The following VWA7 variants were observed in gnomAD, a reference collection of about 807,000 sequenced individuals.
VWA7 encodes von Willebrand factor A domain-containing protein 7.
A neutral mutation model predicts 83.1 loss-of-function variants in VWA7; 66 were observed. The ratio of observed to expected loss-of-function variants is 0.79; its 90% CI spans 0.65 to 0.98. The LOEUF is 0.98. Ranked by LOEUF, VWA7 falls within the 50% of genes least tolerant of loss-of-function variation. VWA7 has a pLI of 0.00. For missense variants in VWA7, 1,080 were observed against 1,160.2 expected, an observed-to-expected ratio of 0.93 and a Z score of 1.00; for synonymous variants, 424 against 488.5, an observed-to-expected ratio of 0.87 and a Z score of 1.74.
intron 7 of VWA7, among the ~76,000 whole-genome samples, chr6:31,770,634 G>A (rs1420152278): frequency 6.6e-6 from 1 of 151,226 alleles, no homozygotes; most frequent in Non-Finnish European, 1.5e-5. Flanking sequence ...GCAGGGCAGG[G>A]CAGACCTAGG....
intron 5 of VWA7, 148 bp downstream of exon 5, chr6:31,774,368 A>T: frequency 1.4e-6 from 1 of 696,424 alleles, no homozygotes; most frequent in Middle Eastern, 3.4e-4. Context: ...CAGCCTCCTC[A>T]GGGGACTTTC....
intron 4 of VWA7, among the ~76,000 whole-genome samples, 161 bp from the exon 5 acceptor site, chr6:31,774,787 C>A (rs950565799): frequency 6.6e-6 from 1 of 152,006 alleles, no homozygotes; most frequent in Non-Finnish European, 1.5e-5. Flanking sequence ...ATCATGGGCC[C>A]GCAGTGAGCC....
rs768719530 is a variant in VWA7, at chr6:31,774,531, GA to G, written c.705del (p.Pro237ArgfsTer50). On this transcript the variant is annotated frameshift_variant, in exon 5 of 17. Coordinates refer to ENST00000375688, the MANE Select transcript of VWA7 (RefSeq NM_025258.3). LOFTEE classifies it high-confidence loss of function. ...TGTCTGGTACCTGGAGGTTTCGGGGGATGAGTTCCAAAGTAGCCAGAGGTGA... is the reference window on the plus strand; with the variant it reads ...TGTCTGGTACCTGGAGGTTTCGGGGGTGAGTTCCAAAGTAGCCAGAGGTGA... ...TLLTSGYFGT[H>X]PPKPPGKCSH... 6.2e-6 allele frequency: 10 copies of G among 1,612,780 alleles called. No individual in the cohort carries two copies. In the South Asian group the frequency reaches 1.1e-4, roughly 18 times the overall value.
chr6:31,767,394 G>A lies in VWA7; in HGVS notation c.1757C>T (p.Thr586Ile). ...TCTCACCCCAGGGGTGTCCTCAGCT[G>A]TGACCTGGATCTCCCAGGTTCCTGT... ...PQTGTWEIQVTAEDTPGVRVQ... is the reference protein window; with the variant it reads ...PQTGTWEIQVIAEDTPGVRVQ... The change falls in exon 12 of 17, where the codon ACA (threonine) becomes ATA (isoleucine). Residue 586 changes from threonine to isoleucine, a missense_variant. Transcript: ENST00000375688. The A allele has an allele frequency of 6.2e-7, 1 of 1,613,182 alleles. No individual in the cohort carries two copies. Among genetic ancestry groups the A allele is most frequent in the South Asian group, 1.1e-5 (1 of 91,086 alleles).
At chr6:31,770,369 G>A (rs1164697693) in intron 7 of VWA7, among the ~76,000 whole-genome samples, 6 of 151,392 alleles carry the variant, frequency 4.0e-5, no homozygotes, top group Admixed American at 2.0e-4. Context: ...GTGAAACCTC[G>A]TCTCTACTAA....
In VWA7 at chr6:31,776,243, C is replaced by T; in HGVS notation, c.235-1G>A. Reference sequence around the variant, plus strand: ...GGTCATCAGCAAGGAGTGTTCGACCCTGGGGAGAATAGCGGGCGACGGGGC... The same window carrying T: ...GGTCATCAGCAAGGAGTGTTCGACCTTGGGGAGAATAGCGGGCGACGGGGC... On this transcript the variant is annotated splice_acceptor_variant, in intron 2 of 16. Coordinates refer to ENST00000375688, the MANE Select transcript of VWA7 (RefSeq NM_025258.3). LOFTEE classifies it high-confidence loss of function. The surrounding 1 kb of genome is among the most constrained non-coding windows in gnomAD (Gnocchi z 6.2). The T allele has an allele frequency of 6.2e-7, 1 of 1,610,540 alleles. No individual in the cohort carries two copies. The highest frequency in any genetic ancestry group is 1.1e-5 in the South Asian group (1 of 91,032).
chr6:31,774,728 G>A, intron 4 of VWA7, 102 bp from the exon 5 acceptor site: 1 of 940,394 alleles, frequency 1.1e-6, no homozygotes, highest in Non-Finnish European at 1.6e-6. Flanking sequence ...CTGGGATGAG[G>A]CGAACACCCA....
Position 31,770,109 on chromosome 6 carries a change from G to A in VWA7, c.1092C>T (p.Phe364=), listed in dbSNP as rs781534327. ...GGTCACTGGTTGTAAAGACAGGGCC[G>A]AACCCTGGGAAGGGGAAAGGAGGTT... ...YVLVPFHDPG[F]GPVFTTSDPD... Residue 364 remains phenylalanine, a synonymous_variant, in exon 8 of 17, where the codon TTC becomes TTT. Transcript: ENST00000375688. 36 of 1,612,498 alleles carry A rather than the reference G, an allele frequency of 2.2e-5. 1 individual carries two copies. In the South Asian group the frequency reaches 3.3e-4, roughly 15 times the overall value.
Position 31,769,161 on chromosome 6 carries a change from G to A in VWA7, c.1360C>T (p.Arg454Ter), listed in dbSNP as rs369133546. ...GGGGACAAGATCTCACGCCGAGCTC[G>A]ACCCTGAACCCTTGATGTATCTTCA... is the stretch of plus-strand genomic sequence containing the variant. ...VTEDTSRVQG[R>*]ARREILSPLR... Residue 454 changes from arginine to a stop codon, truncating the protein, a stop_gained, in exon 10 of 17, where the codon CGA becomes TGA. Coordinates refer to ENST00000375688, the MANE Select transcript of VWA7 (RefSeq NM_025258.3). LOFTEE classifies it high-confidence loss of function. The surrounding 1 kb of genome is among the most constrained non-coding windows in gnomAD (Gnocchi z 4.5). The A allele has an allele frequency of 6.4e-5, 103 of 1,612,944 alleles. No homozygotes were observed. The highest frequency in any genetic ancestry group is 3.0e-4 in the Admixed American group (18 of 60,006).
In VWA7 at chr6:31,767,683, G is replaced by A. The variant is rs766892603; in HGVS notation, c.1575C>T (p.Leu525=). 6.2e-7 allele frequency: 1 copy of A among 1,613,710 alleles called. No individual in the cohort carries two copies. Among genetic ancestry groups the A allele is most frequent in the South Asian group, 1.1e-5 (1 of 91,074 alleles). ...CGTGGATCCGGACTGTGATCTTCTG[G>A]AGCAGCCCATCCACGCTGAACACAA... is the stretch of plus-strand genomic sequence containing the variant. The part of the protein sequence containing the change: ...QPLVFSVDGL[L]QKITVRIHGD... Residue 525 remains leucine, a synonymous_variant, in exon 11 of 17, where the codon CTC becomes CTT. Coordinates refer to ENST00000375688, the MANE Select transcript of VWA7 (RefSeq NM_025258.3).
chr6:31,770,036 C>T lies in VWA7; in HGVS notation c.1165G>A (p.Gly389Arg), dbSNP rs1812022407. 4 of 1,612,916 alleles carry T rather than the reference C, an allele frequency of 2.5e-6. No homozygotes were observed. The highest frequency in any genetic ancestry group is 3.4e-6 in the Non-Finnish European group (4 of 1,179,992). ...GACAGGCACATCTCAGGCTCGTCTC[C>T]ACCCCCCAAGGCATGGATCTCATTA... is the stretch of plus-strand genomic sequence containing the variant. Reference protein sequence around the residue: ...QLNEIHALGGGDEPEMCLSAL... With the variant: ...QLNEIHALGGRDEPEMCLSAL... Residue 389 changes from glycine (G) to arginine (R), a missense_variant, in exon 8 of 17, where the codon GGA becomes AGA. Gly to Arg is a moderately radical substitution (Grantham distance 125). Transcript: ENST00000375688.
rs752627154 is a variant in VWA7, at chr6:31,766,519, G to A, written c.2128C>T (p.Arg710Trp). The A allele has an allele frequency of 6.2e-7, 1 of 1,608,386 alleles. No individual in the cohort carries two copies. Among genetic ancestry groups the A allele is most frequent in the South Asian group, 1.1e-5 (1 of 90,780 alleles). The change falls in exon 14 of 17, where the codon CGG (arginine) becomes TGG (tryptophan). Residue 710 changes from arginine to tryptophan, a missense_variant. Transcript: ENST00000375688. The surrounding 1 kb of genome is among the most constrained non-coding windows in gnomAD (Gnocchi z 4.9). ...TGAGGGGCAGCCCTGTGCAGGCGCC[G>A]CCCCGCTGCGTCCTGGCCAATCAGC... is the stretch of plus-strand genomic sequence containing the variant. ...LELIGQDAAGRRLHRAAPQPS... is the reference protein window; with the variant it reads ...LELIGQDAAGWRLHRAAPQPS...
chr6:31,773,233 G>A lies in VWA7; in HGVS notation c.917+9C>T, dbSNP rs2151403834. 6.3e-7 allele frequency: 1 copy of A among 1,597,236 alleles called. No individual in the cohort carries two copies. Among genetic ancestry groups the A allele is most frequent in the Non-Finnish European group, 8.5e-7 (1 of 1,172,516 alleles). On this transcript the variant is annotated intron_variant, in intron 6 of 16. Coordinates refer to ENST00000375688, the MANE Select transcript of VWA7 (RefSeq NM_025258.3). This position sits in a 1 kb window ranked among gnomAD's most constrained non-coding sequence, Gnocchi z 5.3. Reference sequence around the variant, plus strand: ...CCATGAAGGGGTCCATCCCCAGGAGGCCACTCACCTGGAGAAATCCCTGTC... The same window carrying A: ...CCATGAAGGGGTCCATCCCCAGGAGACCACTCACCTGGAGAAATCCCTGTC...
At position 31,775,798 on chromosome 6, in the gene VWA7, G is replaced by T. The variant is rs1417296842; in HGVS notation, c.513+166C>A. Among the ~76,000 whole-genome samples the T allele has an allele frequency of 2.0e-5, 3 of 152,230 alleles. No homozygotes were observed. The highest frequency in any genetic ancestry group is 4.4e-5 in the Non-Finnish European group (3 of 68,044). On this transcript the variant is annotated intron_variant, in intron 3 of 16. Coordinates refer to ENST00000375688, the MANE Select transcript of VWA7 (RefSeq NM_025258.3). The surrounding 1 kb of genome is among the most constrained non-coding windows in gnomAD (Gnocchi z 5.9). ...GCTGTTCCTACAGGAAGCACTGCCAGCTTGGAGGTGGGGAACTGGGACACA... is the reference window on the plus strand; with the variant it reads ...GCTGTTCCTACAGGAAGCACTGCCATCTTGGAGGTGGGGAACTGGGACACA...
At position 31,766,013 on chromosome 6, in the gene VWA7, A is replaced by AGCCACAGGCG. The variant is rs775628783; in HGVS notation, c.2359_2368dup (p.Leu790ProfsTer58). The AGCCACAGGCG allele has an allele frequency of 5.0e-6, 8 of 1,612,902 alleles. No homozygotes were observed. The South Asian group carries it at 7.7e-5, about 15-fold the overall frequency. On this transcript the variant is annotated frameshift_variant, in exon 16 of 17. Coordinates refer to ENST00000375688, the MANE Select transcript of VWA7 (RefSeq NM_025258.3). LOFTEE classifies it high-confidence loss of function. This position sits in a 1 kb window ranked among gnomAD's most constrained non-coding sequence, Gnocchi z 4.9. The stretch of plus-strand genomic sequence containing the variant: ...CGGGGCCGCTGAATCTGGGACCTCC[A>AGCCACAGGCG]GCCACAGGCGGCCCCAGGCCGACTC...
Position 31,769,600 on chromosome 6 carries a change from G to A in VWA7, c.1317+75C>T, listed in dbSNP as rs1029094346. 218 of 1,378,672 alleles carry A rather than the reference G, an allele frequency of 1.6e-4. 2 individuals carry two copies. Among genetic ancestry groups the A allele is most frequent in the Admixed American group, 6.6e-4 (39 of 59,232 alleles). The allele number at this position is 1,378,672 out of a possible 1,614,324, so 85.4% of individuals were successfully genotyped here. On this transcript the variant is annotated intron_variant, in intron 9 of 16. Coordinates refer to ENST00000375688, the MANE Select transcript of VWA7 (RefSeq NM_025258.3). The surrounding 1 kb of genome is among the most constrained non-coding windows in gnomAD (Gnocchi z 4.5). ...GCCACCATAGTGTGGTGCAACCCTC[G>A]TTATGAGATTGTCATCACAGGGTCT...
In VWA7 at chr6:31,765,756, G is replaced by A. The variant is rs747657376; in HGVS notation, c.2514C>T (p.Thr838=). ...SAPAPQDRHT[T]PTGSSDPILT... ...GGATCGGGTCAGATGAGCCGGTAGG[G>A]GTGGTGTGCCGGTCCTGTGGGGAAA... The change falls in exon 17 of 17, where the codon ACC becomes ACT. Residue 838 remains threonine, a synonymous_variant. Transcript: ENST00000375688. 7.6e-6 allele frequency: 12 copies of A among 1,588,064 alleles called. No individual in the cohort carries two copies. Among genetic ancestry groups the A allele is most frequent in the Non-Finnish European group, 1.0e-5 (12 of 1,166,362 alleles).
Position 31,776,432 on chromosome 6 carries a change from G to A in VWA7, c.234+114C>T. The A allele has an allele frequency of 1.6e-6, 2 of 1,225,628 alleles. No homozygotes were observed. The highest frequency in any genetic ancestry group is 2.2e-6 in the Non-Finnish European group (2 of 894,304). 75.9% of individuals were successfully genotyped at this position (1,225,628 alleles called of 1,614,324 possible). ...ACCAAGACTACTGGGTATTATTGCT[G>A]CAGGGGTGGGGCCATGGGTGTCTCT... is the stretch of plus-strand genomic sequence containing the variant. On this transcript the variant is annotated intron_variant, in intron 2 of 16. Coordinates refer to ENST00000375688, the MANE Select transcript of VWA7 (RefSeq NM_025258.3). The surrounding 1 kb of genome is among the most constrained non-coding windows in gnomAD (Gnocchi z 6.2).
intron 12 of VWA7, 28 bp from the exon 13 acceptor site, chr6:31,767,278 C>T (rs1200755316): frequency 2.5e-6 from 4 of 1,612,316 alleles, no homozygotes; most frequent in Non-Finnish European, 3.4e-6. Context: ...CAGTCAGAGC[C>T]CTTCCTGAAA....
Sources: allele counts gnomAD v4.1 joint callset (sites outside exome capture counted in the v4.1 genomes callset), GRCh38; gene constraint gnomAD v4.1.1; non-coding constraint Gnocchi (gnomAD v3.1); transcripts MANE v1.5; gene names NCBI Gene and HGNC (gene_info 2026-07-23, HGNC 2026-07-21).